Variants in NRXN1 observed in about 807,000 individuals in gnomAD.
The protein encoded by NRXN1 is neurexin-1.
Under a neutral mutation model 150.9 loss-of-function variants are expected in NRXN1, and 39 were observed. That is an observed-to-expected ratio of 0.26 (90% CI 0.20 to 0.34). The LOEUF is 0.34. Among genes scored for constraint, NRXN1 ranks in the 10% least tolerant of loss-of-function variants. NRXN1 has a pLI of 1.00. For synonymous variants in NRXN1, 924 were observed against 757.0 expected (o/e 1.22, Z -3.62); for missense variants, 1,815 against 1,949.9 (o/e 0.93, Z 1.30).
chr2:50,991,025 G>T (rs1044782432), intron 2 of NRXN1, among the ~76,000 whole-genome samples: 1 of 151,960 alleles, frequency 6.6e-6, no homozygotes, highest in Non-Finnish European at 1.5e-5. Context: ...CATTCATTCA[G>T]CAAATAACTC....
At chr2:49,967,818 A>T (rs1425315781) in intron 21 of NRXN1, among the ~76,000 whole-genome samples, 2 of 152,074 alleles carry the variant, frequency 1.3e-5, no homozygotes, top group Non-Finnish European at 2.9e-5. Context: ...CACTTGTTGC[A>T]GTGGATGTCT....
At position 49,926,741 on chromosome 2, in the gene NRXN1, A is replaced by G. The variant is rs866102146; in HGVS notation, c.4217-4490T>C. 3.3e-5 allele frequency among the ~76,000 whole-genome samples: 5 copies of G among 152,174 alleles called. No homozygotes were observed. The South Asian group carries it at 1.0e-3, about 31-fold the overall frequency. ...AGGAAAGGAAATCGCCCTATGTATT[A>G]TTTATTTATTTTTGATAGTCTTTGA... is the stretch of plus-strand genomic sequence containing the variant. On this transcript the variant is annotated intron_variant, in intron 22 of 22. Coordinates refer to ENST00000401669, the MANE Select transcript of NRXN1 (RefSeq NM_001330078.2).
intron 5 of NRXN1, among the ~76,000 whole-genome samples, chr2:50,709,200 T>A (rs973224352): frequency 6.6e-6 from 1 of 152,162 alleles, no homozygotes; most frequent in Non-Finnish European, 1.5e-5. Flanking sequence ...TGGCACGTGA[T>A]ATTTGCACAC....
At chr2:50,432,211 G>A (rs1055852886) in intron 17 of NRXN1, 3 of 152,050 alleles carry the variant, frequency 2.0e-5, no homozygotes, top group Non-Finnish European at 4.4e-5. Context: ...CCCCTAGAAG[G>A]GCTTCTTTTC....
intron 17 of NRXN1, among the ~76,000 whole-genome samples, chr2:50,253,548 T>C (rs1020545128): frequency 6.6e-6 from 1 of 152,188 alleles, no homozygotes; most frequent in Admixed American, 6.5e-5. Context: ...TGCTGTGCAT[T>C]TATCATAAAT....
intron 17 of NRXN1, among the ~76,000 whole-genome samples, chr2:50,261,057 T>A (rs1437654164): frequency 6.6e-6 from 1 of 151,722 alleles, no homozygotes; most frequent in African/African-American, 2.4e-5. Flanking sequence ...TTTCCAACAT[T>A]TCCCCCCAGA....
chr2:50,506,360 G>A (rs13393655), intron 13 of NRXN1, 135 bp downstream of exon 13: 3 of 728,340 alleles, frequency 4.1e-6, no homozygotes, highest in African/African-American at 1.8e-5. Context: ...ATAGTTACTA[G>A]AAAAAAATAG....
chr2:50,498,467 T>C (rs1236561813), intron 13 of NRXN1, among the ~76,000 whole-genome samples: 1 of 152,154 alleles, frequency 6.6e-6, no homozygotes, highest in Admixed American at 6.5e-5. Flanking sequence ...ACCAGTAAAA[T>C]TGGCCCACCA....
intron 18 of NRXN1, among the ~76,000 whole-genome samples, chr2:50,146,911 G>T (rs1190146614): frequency 6.6e-6 from 1 of 151,518 alleles, no homozygotes; most frequent in Non-Finnish European, 1.5e-5. Flanking sequence ...AATTTATTTT[G>T]CATTTATGCA....
Position 50,053,121 on chromosome 2 carries a change from C to G in NRXN1, c.4128+150G>C, listed in dbSNP as rs968981224. ...AACATACACACATTTCATATTCAAA[C>G]GGAATGCATTATGTTAAGCTAGTTT... On this transcript the variant is annotated intron_variant, in intron 21 of 22. Coordinates refer to ENST00000401669, the MANE Select transcript of NRXN1 (RefSeq NM_001330078.2). The G allele has an allele frequency of 3.8e-5, 28 of 731,780 alleles. No homozygotes were observed. In the Admixed American group the frequency reaches 3.9e-4, roughly 10 times the overall value. The allele number at this position is 731,780 out of a possible 1,614,324, so 45.3% of individuals were successfully genotyped here.
chr2:50,528,196 T>G (rs2105183929), intron 12 of NRXN1, among the ~76,000 whole-genome samples: 1 of 152,276 alleles, frequency 6.6e-6, no homozygotes, highest in African/African-American at 2.4e-5. Flanking sequence ...TATGTAAAAC[T>G]TTAGATGGGT....
intron 17 of NRXN1, among the ~76,000 whole-genome samples, chr2:50,390,116 G>T (rs937072049): frequency 1.3e-5 from 2 of 152,028 alleles, no homozygotes; most frequent in African/African-American, 4.8e-5. Context: ...CTGTAAAAAT[G>T]GTCAAATAAA....
chr2:50,904,650 T>G lies in NRXN1; in HGVS notation c.832+17219A>C, dbSNP rs577096836. 1.7e-3 allele frequency among the ~76,000 whole-genome samples: 256 copies of G among 151,386 alleles called. 1 individual carries two copies. Among genetic ancestry groups the G allele is most frequent in the Non-Finnish European group, 3.3e-3 (224 of 67,660 alleles). On this transcript the variant is annotated intron_variant, in intron 5 of 22. Coordinates refer to ENST00000401669, the MANE Select transcript of NRXN1 (RefSeq NM_001330078.2). ...CCATCCATGAAACAACCTGTCTGCATTAAATGATCAGACCTTTCTTTTTAA... is the reference window on the plus strand; with the variant it reads ...CCATCCATGAAACAACCTGTCTGCAGTAAATGATCAGACCTTTCTTTTTAA...
chr2:50,325,047 G>A (rs1344150074), intron 17 of NRXN1, among the ~76,000 whole-genome samples: 1 of 152,094 alleles, frequency 6.6e-6, no homozygotes, highest in Non-Finnish European at 1.5e-5. Flanking sequence ...AAATACATGA[G>A]GATAGTTGAT....
rs181121858 is a variant in NRXN1, at chr2:51,027,896, G to A, written c.378C>T (p.Thr126=). The part of the protein sequence containing the change: ...SVRIRRQFRN[T]TLFIDQVEAK... ...CCTCCACCTGGTCGATGAAGAGCGT[G>A]GTGTTGCGGAACTGGCGGCGGATGC... Residue 126 remains threonine (T), a synonymous_variant, in exon 2 of 23, where the codon ACC becomes ACT. Coordinates refer to ENST00000401669, the MANE Select transcript of NRXN1 (RefSeq NM_001330078.2). 1 of 1,611,110 alleles carries A rather than the reference G, an allele frequency of 6.2e-7. No individual in the cohort carries two copies. Among genetic ancestry groups the A allele is most frequent in the South Asian group, 1.1e-5 (1 of 91,084 alleles).
intron 21 of NRXN1, among the ~76,000 whole-genome samples, chr2:50,017,693 G>GAA (rs1558701759): frequency 4.9e-5 from 7 of 144,000 alleles, no homozygotes; most frequent in Non-Finnish European, 1.0e-4. Context: ...TACATTACGC[G>GAA]AACCCTGATA....
intron 15 of NRXN1, among the ~76,000 whole-genome samples, chr2:50,479,838 A>G (rs924043532): frequency 4.5e-5 from 6 of 134,754 alleles, no homozygotes; most frequent in African/African-American, 1.8e-4. Flanking sequence ...CAGTGGCACA[A>G]TCTTGGCTCA....
chr2:50,452,291 C>T (rs1466941813), intron 17 of NRXN1, among the ~76,000 whole-genome samples: 1 of 152,160 alleles, frequency 6.6e-6, no homozygotes, highest in Non-Finnish European at 1.5e-5. Context: ...TGTGGCTGAG[C>T]TGTAGGCTGC....
At chr2:50,358,043 C>T (rs2078943958) in intron 17 of NRXN1, among the ~76,000 whole-genome samples, 1 of 152,116 alleles carries the variant, frequency 6.6e-6, no homozygotes, top group African/African-American at 2.4e-5. Flanking sequence ...ATGGTGCTAT[C>T]CAGCCCACGC....
Sources: gnomAD v4.1 joint callset for allele counts (sites outside exome capture counted in the v4.1 genomes callset) on GRCh38, gnomAD v4.1.1 for gene constraint, MANE v1.5 for transcripts, NCBI Gene and HGNC (gene_info 2026-07-23, HGNC 2026-07-21) for gene names.